Variants in ABTB3 observed in about 807,000 individuals in gnomAD.
The protein encoded by ABTB3 is ankyrin repeat and BTB domain containing 3, also known as ankyrin repeat- and BTB/POZ domain-containing protein 3.
At chr12:107,517,426 G>A in the ABTB3 span, among the ~76,000 whole-genome samples, 2 of 152,136 alleles carry the variant, frequency 1.3e-5, no homozygotes, top group African/African-American at 4.8e-5. Context: ...TAGCTTGATG[G>A]GGATGGCATT....
chr12:107,553,075 C>T, the ABTB3 span, among the ~76,000 whole-genome samples: 1 of 152,094 alleles, frequency 6.6e-6, no homozygotes, highest in Non-Finnish European at 1.5e-5. Flanking sequence ...CAGCTGTGAA[C>T]AAGAAATAAT....
At chr12:107,361,800 C>T in the ABTB3 span, among the ~76,000 whole-genome samples, 1 of 152,132 alleles carries the variant, frequency 6.6e-6, no homozygotes, top group East Asian at 1.9e-4. Context: ...TTGTGTCCCA[C>T]CCCGCCACCT....
At chr12:107,487,938 T>C in the ABTB3 span, among the ~76,000 whole-genome samples, 1 of 148,850 alleles carries the variant, frequency 6.7e-6, no homozygotes, top group African/African-American at 2.5e-5. Flanking sequence ...GCTTTCAGGT[T>C]GGCTGGGTCA....
At chr12:107,392,481 C>T in the ABTB3 span, among the ~76,000 whole-genome samples, 161 of 152,306 alleles carry the variant, frequency 1.1e-3, 2 homozygotes, top group Non-Finnish European at 1.9e-3. Flanking sequence ...TCTCCAGCCA[C>T]GCAGGTCGTT....
At chr12:107,319,805 G>C in the ABTB3 span, 1 of 1,386,792 alleles carries the variant, frequency 7.2e-7, no homozygotes, top group Non-Finnish European at 9.4e-7. Flanking sequence ...TAAAGAGCGG[G>C]AGGCGCCCGG....
chr12:107,391,931 A>AAC, the ABTB3 span, among the ~76,000 whole-genome samples: 2 of 152,222 alleles, frequency 1.3e-5, no homozygotes, highest in Non-Finnish European at 2.9e-5. Flanking sequence ...ACTTGGGACC[A>AAC]ACAAAGGGTG....
At chr12:107,350,001 C>A in the ABTB3 span, among the ~76,000 whole-genome samples, 3 of 152,092 alleles carry the variant, frequency 2.0e-5, no homozygotes, top group Non-Finnish European at 4.4e-5. Flanking sequence ...ATTGACAATG[C>A]GAGAGCACAA....
the ABTB3 span, among the ~76,000 whole-genome samples, chr12:107,386,335 A>G: frequency 6.6e-6 from 1 of 152,208 alleles, no homozygotes; most frequent in Non-Finnish European, 1.5e-5. Context: ...TTCTTGACAA[A>G]TAACCATCCT....
chr12:107,466,003 A>G, the ABTB3 span, among the ~76,000 whole-genome samples: 1 of 152,328 alleles, frequency 6.6e-6, no homozygotes, highest in East Asian at 1.9e-4. Flanking sequence ...CAGTGAGCAG[A>G]GCAAAAGAGA....
At chr12:107,584,437 A>G in the ABTB3 span, among the ~76,000 whole-genome samples, 3 of 152,252 alleles carry the variant, frequency 2.0e-5, no homozygotes, top group African/African-American at 7.2e-5. Context: ...GACTTGGCAA[A>G]TAATGTAAAA....
the ABTB3 span, among the ~76,000 whole-genome samples, chr12:107,608,323 C>A: frequency 1.3e-5 from 2 of 152,200 alleles, no homozygotes; most frequent in Non-Finnish European, 2.9e-5. Context: ...GCCCACCCTC[C>A]GTCCTCTCAT....
the ABTB3 span, among the ~76,000 whole-genome samples, chr12:107,501,621 A>C: frequency 6.6e-6 from 1 of 152,040 alleles, no homozygotes; most frequent in Admixed American, 6.6e-5. Context: ...AATCACTTGA[A>C]CCCGGGAGGC....
At chr12:107,609,433 C>T in the ABTB3 span, among the ~76,000 whole-genome samples, 8 of 152,200 alleles carry the variant, frequency 5.3e-5, no homozygotes, top group African/African-American at 1.7e-4. Flanking sequence ...TTTCTTGATG[C>T]CCTGGGCTGG....
the ABTB3 span, chr12:107,640,324 T>C: frequency 6.3e-7 from 1 of 1,574,814 alleles, no homozygotes; most frequent in Non-Finnish European, 8.7e-7. Flanking sequence ...CTCATTTTCT[T>C]AACAATAAAG....
the ABTB3 span, among the ~76,000 whole-genome samples, chr12:107,368,240 G>GA: frequency 6.6e-6 from 1 of 152,230 alleles, no homozygotes; most frequent in East Asian, 1.9e-4. Flanking sequence ...ACGGCAGAGA[G>GA]ATGAGCAAGT....
At chr12:107,565,599 T>C in the ABTB3 span, among the ~76,000 whole-genome samples, 1 of 152,148 alleles carries the variant, frequency 6.6e-6, no homozygotes, top group Admixed American at 6.5e-5. Flanking sequence ...CTTTCCAGCC[T>C]GCACCCCTCC....
At chr12:107,557,465 C>T in the ABTB3 span, among the ~76,000 whole-genome samples, 52 of 152,178 alleles carry the variant, frequency 3.4e-4, no homozygotes, top group African/African-American at 1.1e-3. Flanking sequence ...TATAAATAAA[C>T]GCAGAACCTG....
chr12:107,443,845 C>A, the ABTB3 span, among the ~76,000 whole-genome samples: 1 of 152,168 alleles, frequency 6.6e-6, no homozygotes, highest in Admixed American at 6.5e-5. Flanking sequence ...AGTCTCCTGC[C>A]CTCGGAAAGG....
At chr12:107,578,543 G>A in the ABTB3 span, among the ~76,000 whole-genome samples, 3 of 152,042 alleles carry the variant, frequency 2.0e-5, no homozygotes, top group Non-Finnish European at 4.4e-5. Context: ...CAGGGTTGTG[G>A]ACTGTGCTCT....
Sources: gnomAD v4.1 joint callset for allele counts (sites outside exome capture counted in the v4.1 genomes callset) on GRCh38, gnomAD v4.1.1 for gene constraint, MANE v1.5 for transcripts, NCBI Gene and HGNC (gene_info 2026-07-23, HGNC 2026-07-21) for gene names.